The following ST6GALNAC3 variants were observed in gnomAD, a reference collection of about 807,000 sequenced individuals.
The protein encoded by ST6GALNAC3 is alpha-N-acetylgalactosaminide alpha-2,6-sialyltransferase 3.
Under a neutral mutation model 32.7 loss-of-function variants are expected in ST6GALNAC3, and 25 were observed. The observed-to-expected ratio is 0.76, with a 90% CI of 0.56 to 1.07. The LOEUF (loss-of-function observed/expected upper bound fraction) is 1.07, where lower values mean the gene tolerates loss of function less well. Ranked by LOEUF, ST6GALNAC3 falls within the 50% of genes least tolerant of loss-of-function variation. The pLI is 0.00. For missense variants in ST6GALNAC3, 355 were observed against 382.4 expected (o/e 0.93, Z 0.60); for synonymous variants, 129 against 133.1 (o/e 0.97, Z 0.21).
At chr1:76,551,461 CTA>C (rs138572163) in intron 3 of ST6GALNAC3, among the ~76,000 whole-genome samples, 2,663 of 152,202 alleles carry the variant, frequency 0.017, 77 homozygotes, top group African/African-American at 0.061. Context: ...TTTGTTGTTG[CTA>C]TTGTGAATAA....
chr1:76,287,503 A>G (rs918573450), intron 1 of ST6GALNAC3, among the ~76,000 whole-genome samples: 2 of 151,852 alleles, frequency 1.3e-5, no homozygotes, highest in Non-Finnish European at 1.5e-5. Flanking sequence ...CCAACCGCCA[A>G]GATAACAGCA....
At chr1:76,134,308 G>A (rs1307487463) in intron 1 of ST6GALNAC3, among the ~76,000 whole-genome samples, 1 of 152,220 alleles carries the variant, frequency 6.6e-6, no homozygotes, top group Non-Finnish European at 1.5e-5. Context: ...CATTGAAACT[G>A]AGTAATGTCT....
At chr1:76,195,422 T>G (rs1054205157) in intron 1 of ST6GALNAC3, among the ~76,000 whole-genome samples, 1 of 152,212 alleles carries the variant, frequency 6.6e-6, no homozygotes, top group Non-Finnish European at 1.5e-5. Context: ...ACACAGAATA[T>G]TAAAAAGAAT....
At chr1:76,300,126 G>A (rs1176682323) in intron 1 of ST6GALNAC3, among the ~76,000 whole-genome samples, 1 of 152,010 alleles carries the variant, frequency 6.6e-6, no homozygotes, top group Non-Finnish European at 1.5e-5. Context: ...GGTTAAAAAA[G>A]GAAGTAATCT....
intron 2 of ST6GALNAC3, among the ~76,000 whole-genome samples, chr1:76,379,966 G>A (rs1156579152): frequency 6.6e-6 from 1 of 152,124 alleles, no homozygotes; most frequent in Non-Finnish European, 1.5e-5. Flanking sequence ...TGGCCTAATT[G>A]GTTCCGACAA....
chr1:76,290,591 A>C (rs778076912), intron 1 of ST6GALNAC3, among the ~76,000 whole-genome samples: 7 of 152,188 alleles, frequency 4.6e-5, no homozygotes, highest in Non-Finnish European at 7.3e-5. Context: ...AAGGAGACTG[A>C]GGCTCAGAGA....
chr1:76,472,770 G>A (rs756735824), intron 3 of ST6GALNAC3, among the ~76,000 whole-genome samples: 23 of 152,086 alleles, frequency 1.5e-4, no homozygotes, highest in Non-Finnish European at 2.6e-4. Context: ...GTGCACGTGC[G>A]AAGACAGCAA....
At chr1:76,573,813 G>C (rs148110412) in intron 3 of ST6GALNAC3, among the ~76,000 whole-genome samples, 1 of 152,134 alleles carries the variant, frequency 6.6e-6, no homozygotes, top group East Asian at 1.9e-4. Flanking sequence ...CTCTGGCCTT[G>C]TACTTCTAGG....
chr1:76,610,029 C>G (rs1034657153), intron 3 of ST6GALNAC3, among the ~76,000 whole-genome samples: 1 of 151,990 alleles, frequency 6.6e-6, no homozygotes, highest in Non-Finnish European at 1.5e-5. Flanking sequence ...TTTGTCTCTG[C>G]CTTCTTTTGG....
intron 1 of ST6GALNAC3, among the ~76,000 whole-genome samples, chr1:76,172,899 G>A (rs12040351): frequency 0.54 from 81,617 of 152,024 alleles, 24,190 homozygotes; most frequent in East Asian, 0.88. Flanking sequence ...TCATGAAAAT[G>A]GTCATACTGC....
intron 2 of ST6GALNAC3, among the ~76,000 whole-genome samples, chr1:76,346,835 C>A (rs892309673): frequency 6.6e-6 from 1 of 152,132 alleles, no homozygotes; most frequent in Admixed American, 6.5e-5. Context: ...ATACACTGTT[C>A]TTAGCATAGT....
intron 3 of ST6GALNAC3, among the ~76,000 whole-genome samples, chr1:76,607,174 A>C (rs562455806): frequency 6.6e-6 from 1 of 152,230 alleles, no homozygotes; most frequent in Non-Finnish European, 1.5e-5. Context: ...ACTCAGGAAC[A>C]GCCAAATGGA....
At chr1:76,082,286 C>T (rs1646907119) in intron 1 of ST6GALNAC3, among the ~76,000 whole-genome samples, 1 of 152,142 alleles carries the variant, frequency 6.6e-6, no homozygotes, top group Non-Finnish European at 1.5e-5. Context: ...GATCCCATTA[C>T]CAAAAGCTGC....
chr1:76,093,918 T>A (rs897784504), intron 1 of ST6GALNAC3, among the ~76,000 whole-genome samples: 2 of 152,248 alleles, frequency 1.3e-5, no homozygotes, highest in African/African-American at 4.8e-5. Flanking sequence ...TGCTGTGGGT[T>A]ACCTTTCATT....
intron 3 of ST6GALNAC3, among the ~76,000 whole-genome samples, chr1:76,548,017 T>C (rs1664402195): frequency 6.6e-6 from 1 of 152,156 alleles, no homozygotes; most frequent in African/African-American, 2.4e-5. Context: ...CTTAACTTAG[T>C]GCCTGGGTAA....
rs147805111 is a variant in ST6GALNAC3, at chr1:76,557,985, G to T, written c.624-69467G>T. Among the ~76,000 whole-genome samples the T allele has an allele frequency of 7.9e-3, 1,196 of 152,124 alleles. 12 individuals carry two copies. The highest frequency in any genetic ancestry group is 0.027 in the African/African-American group (1,124 of 41,520). On this transcript the variant is annotated intron_variant, in intron 3 of 4. Transcript: ENST00000328299. Reference sequence around the variant, plus strand: ...CATGTTAGTAAGAGGGAGCTATGGTGGTTCCCAAATGACAAACTATGATAA... The same window carrying T: ...CATGTTAGTAAGAGGGAGCTATGGTTGTTCCCAAATGACAAACTATGATAA...
intron 1 of ST6GALNAC3, among the ~76,000 whole-genome samples, chr1:76,164,159 C>T (rs144426527): frequency 3.0e-4 from 45 of 152,260 alleles, no homozygotes; most frequent in Admixed American, 1.6e-3. Flanking sequence ...CTCTGTGATA[C>T]TGAGCCCCAG....
chr1:76,410,144 A>C (rs1403296622), intron 2 of ST6GALNAC3, among the ~76,000 whole-genome samples: 1 of 152,080 alleles, frequency 6.6e-6, no homozygotes, highest in East Asian at 1.9e-4. Flanking sequence ...CGAGCCCTTC[A>C]ATGGCGCTTC....
chr1:76,614,717 TCAAAAAAAAAAAAA>T (rs1557627944), intron 3 of ST6GALNAC3, among the ~76,000 whole-genome samples: 1 of 41,464 alleles, frequency 2.4e-5, no homozygotes. Flanking sequence ...AGACTCCATC[TCAAAAAAAAAAAAA>T]AAAAAAAAAA....
Sources: gnomAD v4.1 joint callset for allele counts (sites outside exome capture counted in the v4.1 genomes callset) on GRCh38, gnomAD v4.1.1 for gene constraint, MANE v1.5 for transcripts, NCBI Gene and HGNC (gene_info 2026-07-23, HGNC 2026-07-21) for gene names.